MACROD1: variants seen among roughly 807,000 people sequenced by gnomAD.
MACROD1 encodes the protein mono-ADP ribosylhydrolase 1, also known as ADP-ribose glycohydrolase MACROD1.
MACROD1 carries 31 observed loss-of-function variants against 41.4 expected under a neutral mutation model. That is an observed-to-expected ratio of 0.75 (90% CI 0.56 to 1.01). The LOEUF is 1.01. Ranked by LOEUF, MACROD1 falls within the 50% of genes least tolerant of loss-of-function variation. The probability of loss-of-function intolerance (pLI) is 0.00; values close to 1 mark genes in which losing one functional copy is unlikely to be tolerated. For missense variants in MACROD1, 473 were observed against 460.0 expected, an observed-to-expected ratio of 1.03 and a Z score of -0.26; for synonymous variants, 252 against 203.4, an observed-to-expected ratio of 1.24 and a Z score of -2.03.
At chr11:64,008,029 G>T (rs1942941950) in intron 4 of MACROD1, among the ~76,000 whole-genome samples, 1 of 152,360 alleles carries the variant, frequency 6.6e-6, no homozygotes, top group East Asian at 1.9e-4. Flanking sequence ...AGCAGCGGCC[G>T]GGCGATGGGA....
chr11:64,048,508 T>G (rs1218795071), intron 3 of MACROD1, among the ~76,000 whole-genome samples: 2 of 152,064 alleles, frequency 1.3e-5, no homozygotes, highest in East Asian at 1.9e-4. Context: ...GATCCAGCCA[T>G]GGAGGAGGCT....
In MACROD1 at chr11:64,017,119, G is replaced by A. The variant is rs983216210; in HGVS notation, c.518-1838C>T. 4.6e-5 allele frequency among the ~76,000 whole-genome samples: 7 copies of A among 152,202 alleles called. No individual in the cohort carries two copies. In the East Asian group the frequency reaches 9.7e-4, roughly 21 times the overall value. On this transcript the variant is annotated intron_variant, in intron 3 of 10. Transcript: ENST00000255681. ...TGAGTAGCTGGGACTACAGGCATGC[G>A]CCACCACACCCGGCTAATTTTTTGT...
chr11:64,086,104 A>G (rs1333225182), intron 3 of MACROD1, among the ~76,000 whole-genome samples: 1 of 152,118 alleles, frequency 6.6e-6, no homozygotes, highest in Non-Finnish European at 1.5e-5. Context: ...GGGCCAGGCC[A>G]TGAGCACTCA....
At chr11:64,076,824 C>T (rs1481786424) in intron 3 of MACROD1, among the ~76,000 whole-genome samples, 1 of 152,294 alleles carries the variant, frequency 6.6e-6, no homozygotes, top group African/African-American at 2.4e-5. Flanking sequence ...GCGTGAGCAG[C>T]CCCCCGGTCC....
chr11:64,151,446 G>A (rs1052776359), intron 2 of MACROD1, 91 bp from the exon 3 acceptor site: 15 of 905,244 alleles, frequency 1.7e-5, no homozygotes, highest in Admixed American at 1.1e-4. Flanking sequence ...CTTCCCTATC[G>A]ACCTCCCTCC....
At chr11:64,000,184 G>T in intron 5 of MACROD1, 43 bp downstream of exon 5, 1 of 1,513,898 alleles carries the variant, frequency 6.6e-7, no homozygotes, top group Non-Finnish European at 9.1e-7. Context: ...ACACACGGGC[G>T]CCCTGTCTGC....
chr11:64,049,425 G>T (rs1024413962), intron 3 of MACROD1, among the ~76,000 whole-genome samples: 6 of 152,176 alleles, frequency 3.9e-5, no homozygotes, highest in African/African-American at 1.4e-4. Flanking sequence ...TGTGCGCTGG[G>T]CCCAGTTCTG....
intron 3 of MACROD1, among the ~76,000 whole-genome samples, chr11:64,135,878 G>A (rs1945324688): frequency 6.6e-6 from 1 of 152,164 alleles, no homozygotes; most frequent in African/African-American, 2.4e-5. Flanking sequence ...GGCACCCCGC[G>A]CCTGCCCTCT....
intron 4 of MACROD1, among the ~76,000 whole-genome samples, chr11:64,004,303 G>A (rs903278771): frequency 7.2e-5 from 11 of 152,242 alleles, no homozygotes; most frequent in Non-Finnish European, 1.2e-4. Context: ...CTCAGAGCCA[G>A]CAGAGGCGGA....
Position 64,116,334 on chromosome 11 carries a change from G to A in MACROD1, c.517+34905C>T, listed in dbSNP as rs754271192. On this transcript the variant is annotated intron_variant, in intron 3 of 10. Transcript: ENST00000255681. Reference sequence around the variant, plus strand: ...CACTGCCACTGTCACGGCCACCGTTGTGATGACCACGGCCACCATGGACCT... The same window carrying A: ...CACTGCCACTGTCACGGCCACCGTTATGATGACCACGGCCACCATGGACCT... 5.0e-6 allele frequency: 8 copies of A among 1,611,464 alleles called. No homozygotes were observed. In the East Asian group the frequency reaches 1.3e-4, roughly 27 times the overall value.
intron 3 of MACROD1, among the ~76,000 whole-genome samples, chr11:64,043,600 G>A (rs1208705952): frequency 1.3e-5 from 2 of 152,176 alleles, no homozygotes; most frequent in East Asian, 1.9e-4. Flanking sequence ...AAAGCATGGG[G>A]CTCAAATGTC....
rs1414676891 is a variant in MACROD1 at position 64,120,775 on chromosome 11, G to A, written c.517+30464C>T. Among the ~76,000 whole-genome samples the A allele has an allele frequency of 2.0e-5, 3 of 151,962 alleles. No homozygotes were observed. Among genetic ancestry groups the A allele is most frequent in the South Asian group, 2.1e-4 (1 of 4,806 alleles). On this transcript the variant is annotated intron_variant, in intron 3 of 10. Transcript: ENST00000255681. The surrounding 1 kb of genome is among the most constrained non-coding windows in gnomAD (Gnocchi z 4.5). Reference sequence around the variant, plus strand: ...CACCTGGGATGTCTGGGAGGAGAGCGTGCCCGAGGTGTGCCACGTTGGCAC... The same window carrying A: ...CACCTGGGATGTCTGGGAGGAGAGCATGCCCGAGGTGTGCCACGTTGGCAC...
chr11:64,086,264 T>C (rs887887649), intron 3 of MACROD1, among the ~76,000 whole-genome samples: 1 of 151,604 alleles, frequency 6.6e-6, no homozygotes, highest in Non-Finnish European at 1.5e-5. Flanking sequence ...AGAGGGAGGC[T>C]TCCTTTGTTG....
At chr11:64,018,191 G>A (rs984893872) in intron 3 of MACROD1, among the ~76,000 whole-genome samples, 8 of 152,152 alleles carry the variant, frequency 5.3e-5, no homozygotes, top group Non-Finnish European at 7.4e-5. Context: ...ATGCACGGAG[G>A]ACCTGGTCCC....
chr11:64,078,282 G>C (rs76683737), intron 3 of MACROD1, among the ~76,000 whole-genome samples: 2,293 of 152,308 alleles, frequency 0.015, 47 homozygotes, highest in African/African-American at 0.051. Context: ...CCAGGCATGA[G>C]ACCCCTGCCC....
intron 3 of MACROD1, among the ~76,000 whole-genome samples, chr11:64,121,289 C>T (rs1055941987): frequency 2.6e-5 from 4 of 152,222 alleles, no homozygotes; most frequent in African/African-American, 4.8e-5. Flanking sequence ...ACTAACTGGG[C>T]GAGGGCGGGG....
intron 3 of MACROD1, among the ~76,000 whole-genome samples, chr11:64,107,868 G>A (rs185133084): frequency 9.6e-4 from 146 of 152,304 alleles, no homozygotes; most frequent in African/African-American, 3.4e-3. Flanking sequence ...CCACTCACAC[G>A]ACTCAAGGCT....
intron 4 of MACROD1, among the ~76,000 whole-genome samples, chr11:64,010,314 T>TGTTGG (rs1942986299): frequency 8.9e-6 from 1 of 112,908 alleles, no homozygotes; most frequent in South Asian, 3.2e-4. Context: ...TGTTGGCTGG[T>TGTTGG]ATGTTGTTTG....
intron 3 of MACROD1, among the ~76,000 whole-genome samples, chr11:64,131,476 G>A (rs1297977731): frequency 1.3e-5 from 2 of 152,198 alleles, no homozygotes; most frequent in Admixed American, 1.3e-4. Flanking sequence ...ACAGGCGTGT[G>A]CTACCACGCC....
Sources: gnomAD v4.1 joint callset for allele counts (sites outside exome capture counted in the v4.1 genomes callset) on GRCh38, gnomAD v4.1.1 for gene constraint, Gnocchi (gnomAD v3.1) non-coding constraint, MANE v1.5 for transcripts, NCBI Gene and HGNC (gene_info 2026-07-23, HGNC 2026-07-21) for gene names.